SAMD12: variants seen among roughly 807,000 people sequenced by gnomAD.
SAMD12 encodes the protein sterile alpha motif domain-containing protein 12.
SAMD12 carries 9 observed loss-of-function variants against 15.0 expected under a neutral mutation model. That is an observed-to-expected ratio of 0.60 (90% CI 0.36 to 1.05). The LOEUF is 1.05. Ranked by LOEUF, SAMD12 falls within the 50% of genes least tolerant of loss-of-function variation. The pLI is 0.01. For missense variants in SAMD12, 230 were observed against 234.2 expected (o/e 0.98, Z 0.12); for synonymous variants, 86 against 90.1 (o/e 0.96, Z 0.25).
intron 3 of SAMD12, among the ~76,000 whole-genome samples, chr8:118,423,022 CA>C (rs886814731): frequency 1.1e-4 from 17 of 152,054 alleles, no homozygotes; most frequent in Non-Finnish European, 2.1e-4. Flanking sequence ...AATAAAAATA[CA>C]AAAAAATTTG....
At chr8:118,467,676 A>G (rs1823636236) in intron 2 of SAMD12, among the ~76,000 whole-genome samples, 1 of 152,166 alleles carries the variant, frequency 6.6e-6, no homozygotes, top group Non-Finnish European at 1.5e-5. Flanking sequence ...GCACCTCCTA[A>G]TCAATTTGGA....
rs114841013 is a variant in SAMD12 at position 118,233,359 on chromosome 8, G to A, written c.434-35627C>T. On this transcript the variant is annotated intron_variant, in intron 4 of 4. Coordinates refer to the SAMD12 transcript ENST00000409003. ...AATTAGGTAGGTTTTTGGATATGCT[G>A]AGCAGTGGAGAGTTCCATATATTAT... Among the ~76,000 whole-genome samples, 317 of 152,274 alleles carry A rather than the reference G, an allele frequency of 2.1e-3. 1 individual carries two copies. Among genetic ancestry groups the A allele is most frequent in the African/African-American group, 7.5e-3 (312 of 41,546 alleles).
At chr8:118,242,001 T>C (rs1484102541) in intron 4 of SAMD12, among the ~76,000 whole-genome samples, 1 of 152,112 alleles carries the variant, frequency 6.6e-6, no homozygotes, top group African/African-American at 2.4e-5. Context: ...AGCCTTGACC[T>C]CCCTGGGCTC....
intron 2 of SAMD12, among the ~76,000 whole-genome samples, chr8:118,560,132 C>T (rs770937344): frequency 6.6e-6 from 1 of 152,060 alleles, no homozygotes; most frequent in African/African-American, 2.4e-5. Flanking sequence ...GATATTTTGG[C>T]AAAATTTCCA....
At chr8:118,477,217 C>G (rs979443854) in intron 2 of SAMD12, among the ~76,000 whole-genome samples, 18 of 152,112 alleles carry the variant, frequency 1.2e-4, no homozygotes, top group Admixed American at 3.3e-4. Flanking sequence ...AGGCGCCCAC[C>G]ACCATGCCTG....
chr8:118,434,534 G>A (rs1822516833), intron 3 of SAMD12, among the ~76,000 whole-genome samples: 1 of 152,174 alleles, frequency 6.6e-6, no homozygotes, highest in South Asian at 2.1e-4. Context: ...GCCAAACGAG[G>A]TGAAGTGATG....
At chr8:118,224,591 T>G (rs17485156) in intron 4 of SAMD12, among the ~76,000 whole-genome samples, 1,771 of 152,248 alleles carry the variant, frequency 0.012, 48 homozygotes, top group African/African-American at 0.041. Context: ...AGGCTCTATT[T>G]TTAGTTCAAG....
At chr8:118,459,508 T>C (rs1275968972) in intron 2 of SAMD12, among the ~76,000 whole-genome samples, 1 of 152,182 alleles carries the variant, frequency 6.6e-6, no homozygotes, top group Non-Finnish European at 1.5e-5. Context: ...AGTGAAGGAA[T>C]GGACAGAAGG....
At chr8:118,476,214 C>A (rs909793630) in intron 2 of SAMD12, among the ~76,000 whole-genome samples, 27 of 152,174 alleles carry the variant, frequency 1.8e-4, no homozygotes, top group Non-Finnish European at 4.0e-4. Flanking sequence ...CTAGGAGAGA[C>A]ACAATCTTAG....
chr8:118,543,631 C>CTTTTTTTTTCTTTT (rs1388816858), intron 2 of SAMD12, among the ~76,000 whole-genome samples: 1 of 116,634 alleles, frequency 8.6e-6, no homozygotes, highest in Non-Finnish European at 1.7e-5. Flanking sequence ...TTCTTTCTTT[C>CTTTTTTTTTCTTTT]TTTTTTTTTT....
intron 4 of SAMD12, among the ~76,000 whole-genome samples, chr8:118,321,723 C>T (rs1219058091): frequency 6.6e-6 from 1 of 152,106 alleles, no homozygotes; most frequent in Non-Finnish European, 1.5e-5. Context: ...TTTGGAGCTA[C>T]ACTCCTTGGG....
intron 1 of SAMD12, among the ~76,000 whole-genome samples, chr8:118,592,146 AC>A (rs1390000884): frequency 2.0e-5 from 3 of 152,170 alleles, no homozygotes; most frequent in African/African-American, 4.8e-5. Flanking sequence ...ACATGGAGAA[AC>A]CCTGTCTCTA....
downstream of SAMD12, among the ~76,000 whole-genome samples, chr8:118,184,684 A>G (rs1468955009): frequency 6.6e-6 from 1 of 152,028 alleles, no homozygotes; most frequent in Non-Finnish European, 1.5e-5. Flanking sequence ...TTTAGTAGAG[A>G]TAGGGTTTCA....
chr8:118,252,368 T>C (rs1016376419), intron 4 of SAMD12, among the ~76,000 whole-genome samples: 5 of 152,122 alleles, frequency 3.3e-5, no homozygotes, highest in Non-Finnish European at 7.4e-5. Context: ...ATCCCTCCTG[T>C]TACAAATGAG....
At chr8:118,217,096 T>C (rs1445624044) in intron 4 of SAMD12, among the ~76,000 whole-genome samples, 1 of 152,234 alleles carries the variant, frequency 6.6e-6, no homozygotes, top group East Asian at 1.9e-4. Flanking sequence ...TTCTGCCTCC[T>C]GGGTTCAAGC....
intron 4 of SAMD12, among the ~76,000 whole-genome samples, chr8:118,368,981 C>T (rs1218984107): frequency 1.3e-5 from 2 of 152,266 alleles, no homozygotes; most frequent in African/African-American, 4.8e-5. Context: ...CACCTATTCC[C>T]AAGTGAGGCT....
chr8:118,298,787 A>C (rs1295738059), intron 4 of SAMD12, among the ~76,000 whole-genome samples: 1 of 152,176 alleles, frequency 6.6e-6, no homozygotes, highest in Non-Finnish European at 1.5e-5. Context: ...TAAGCAGGTA[A>C]ATATTAATAT....
intron 2 of SAMD12, among the ~76,000 whole-genome samples, chr8:118,468,487 C>A (rs555438875): frequency 6.6e-6 from 1 of 152,084 alleles, no homozygotes; most frequent in African/African-American, 2.4e-5. Flanking sequence ...GTGAGGCACA[C>A]GGTTCTTCAG....
At chr8:118,433,804 G>C (rs1822493614) in intron 3 of SAMD12, among the ~76,000 whole-genome samples, 1 of 152,182 alleles carries the variant, frequency 6.6e-6, no homozygotes, top group East Asian at 1.9e-4. Flanking sequence ...ACAATATCCA[G>C]AGCAGAAGTG....
Sources: gnomAD v4.1 joint callset for allele counts (sites outside exome capture counted in the v4.1 genomes callset) on GRCh38, gnomAD v4.1.1 for gene constraint, MANE v1.5 for transcripts, NCBI Gene and HGNC (gene_info 2026-07-23, HGNC 2026-07-21) for gene names.